TMEM130: variants seen among roughly 807,000 people sequenced by gnomAD.
TMEM130 encodes the protein transmembrane protein 130.
TMEM130 carries 37 observed loss-of-function variants against 42.9 expected under a neutral mutation model. That is an observed-to-expected ratio of 0.86 (90% CI 0.66 to 1.13). The LOEUF (loss-of-function observed/expected upper bound fraction) is 1.13. TMEM130 is among the 50% of genes most tolerant of loss of function. TMEM130 has a pLI of 0.00. For synonymous variants in TMEM130, 259 were observed against 237.7 expected, an observed-to-expected ratio of 1.09 and a Z score of -0.82; for missense variants, 545 against 562.6, an observed-to-expected ratio of 0.97 and a Z score of 0.32.
At chr7:98,860,429 C>T in intron 2 of TMEM130, 91 bp from the exon 3 acceptor site, 1 of 1,329,970 alleles carries the variant, frequency 7.5e-7, no homozygotes, top group Non-Finnish European at 1.0e-6. Context: ...GTCAAAGCCA[C>T]CACTTCCCTG....
Position 98,863,127 on chromosome 7 carries a change from A to G in TMEM130, c.359T>C (p.Val120Ala), listed in dbSNP as rs1554400078. 3 of 1,613,754 alleles carry G rather than the reference A, an allele frequency of 1.9e-6. No individual in the cohort carries two copies. Among genetic ancestry groups the G allele is most frequent in the Non-Finnish European group, 2.5e-6 (3 of 1,180,004 alleles). Residue 120 changes from valine to alanine, a missense_variant, in exon 2 of 8, where the codon GTG becomes GCG. By Grantham distance (64) the Val-to-Ala change is moderately conservative. Transcript: ENST00000339375. ...TAADCWMCQP[V>A]ARGFVVLPIT... is the part of the protein sequence containing the mutation. The stretch of plus-strand genomic sequence containing the variant: ...GGGGAGGACCACAAAGCCCCTGGCC[A>G]CAGGCTGGCACATCCAGCAGTCAGC...
rs782585953 is a variant in TMEM130, at chr7:98,855,225, C to A, written c.803+15G>T. 1.2e-6 allele frequency: 2 copies of A among 1,611,484 alleles called. No homozygotes were observed. Among genetic ancestry groups the A allele is most frequent in the Non-Finnish European group, 8.5e-7 (1 of 1,178,396 alleles). Reference sequence around the variant, plus strand: ...GCCCACGGGGCACCCCCAGTGCGCTCTGGAGCTCACTTACCTCCCCAGGAA... The same window carrying A: ...GCCCACGGGGCACCCCCAGTGCGCTATGGAGCTCACTTACCTCCCCAGGAA... On this transcript the variant is annotated intron_variant, in intron 5 of 7. Coordinates refer to ENST00000339375, the MANE Select transcript of TMEM130 (RefSeq NM_152913.3).
Position 98,869,785 on chromosome 7 carries a change from A to AC in TMEM130, c.76dup (p.Val26GlyfsTer7). The AC allele has an allele frequency of 7.1e-7, 1 of 1,417,804 alleles. No homozygotes were observed. Among genetic ancestry groups the AC allele is most frequent in the African/African-American group, 1.5e-5 (1 of 67,170 alleles). 87.8% of individuals were successfully genotyped at this position (1,417,804 alleles called of 1,614,324 possible). ...ATTGCCCAGCGCCTTACCTGCGGCC[A>AC]CCCCTGCCGGGGCCCAGGGCAGGAG... On this transcript the variant is annotated frameshift_variant, in exon 1 of 8. Transcript: ENST00000339375. LOFTEE classifies it high-confidence loss of function. The surrounding 1 kb of genome is among the most constrained non-coding windows in gnomAD (Gnocchi z 4.7).
At position 98,869,193 on chromosome 7, in the gene TMEM130, CCA is replaced by C. The variant is rs782355419; in HGVS notation, c.85+582_85+583del. ...AACCCTGCTTCCCCCACTCCCCCAC[CCA>C]CACACACACCCCAGGAACCTGTCAG... is the stretch of plus-strand genomic sequence containing the variant. On this transcript the variant is annotated intron_variant, in intron 1 of 7. Transcript: ENST00000339375. The surrounding 1 kb of genome is among the most constrained non-coding windows in gnomAD (Gnocchi z 4.7). 10 of 1,284,860 alleles carry C rather than the reference CCA, an allele frequency of 7.8e-6. No homozygotes were observed. Among genetic ancestry groups the C allele is most frequent in the Admixed American group, 4.6e-5 (2 of 43,194 alleles). 79.6% of individuals were successfully genotyped at this position (1,284,860 alleles called of 1,614,324 possible). A position where few individuals can be genotyped will look rare whatever the true frequency, so the allele number is the denominator to read the frequency against.
chr7:98,869,381 G>C lies in TMEM130; in HGVS notation c.85+396C>G, dbSNP rs955184524. ...AAACGTTGCCCATCCCGTGCTCCCT[G>C]GGGGACTGGGGAATTGTGGCGCGAT... On this transcript the variant is annotated intron_variant, in intron 1 of 7. Transcript: ENST00000339375. The surrounding 1 kb of genome is among the most constrained non-coding windows in gnomAD (Gnocchi z 4.7). 35 of 1,195,530 alleles carry C rather than the reference G, an allele frequency of 2.9e-5. No individual in the cohort carries two copies. The highest frequency in any genetic ancestry group is 7.4e-6 in the Non-Finnish European group (7 of 951,198). 74.1% of individuals were successfully genotyped at this position (1,195,530 alleles called of 1,614,324 possible).
intron 1 of TMEM130, among the ~76,000 whole-genome samples, 178 bp from the exon 2 acceptor site, chr7:98,863,578 T>C (rs563575691): frequency 6.6e-6 from 1 of 152,212 alleles, no homozygotes; most frequent in South Asian, 2.1e-4. Flanking sequence ...TGGGTCCCAC[T>C]GACTCCAAAT....
Position 98,856,327 on chromosome 7 carries a change from A to C in TMEM130, c.552-144T>G, listed in dbSNP as rs139565339. 828 of 794,364 alleles carry C rather than the reference A, an allele frequency of 1.0e-3. 1 individual carries two copies. The highest frequency in any genetic ancestry group is 1.3e-3 in the Non-Finnish European group (675 of 507,100). The allele number at this position is 794,364 out of a possible 1,614,324, so 49.2% of individuals were successfully genotyped here. A position where few individuals can be genotyped will look rare whatever the true frequency, so the allele number is the denominator to read the frequency against. On this transcript the variant is annotated intron_variant, in intron 3 of 7. Coordinates refer to ENST00000339375, the MANE Select transcript of TMEM130 (RefSeq NM_152913.3). ...CCAGCTACCAGTGAGCACACCTGTC[A>C]TCACAGCCTAGAGCCAGCCAGGGCT... is the stretch of plus-strand genomic sequence containing the variant.
intron 4 of TMEM130, among the ~76,000 whole-genome samples, chr7:98,855,703 G>A (rs1562907453): frequency 6.6e-6 from 1 of 152,202 alleles, no homozygotes. Context: ...GTGAGCCTCG[G>A]TGGGAGGCCG....
chr7:98,856,211 G>A (rs782020802), intron 3 of TMEM130, 28 bp from the exon 4 acceptor site: 2 of 1,608,370 alleles, frequency 1.2e-6, no homozygotes, highest in South Asian at 1.1e-5. Context: ...GGAGAGAGGA[G>A]GAAGACAGCA....
rs186173286 is a variant in TMEM130 at position 98,852,740 on chromosome 7, A to G, written c.804-1117T>C. Among the ~76,000 whole-genome samples the G allele has an allele frequency of 3.3e-3, 498 of 152,086 alleles. 4 individuals carry two copies. The highest frequency in any genetic ancestry group is 0.012 in the African/African-American group (484 of 41,522). Reference sequence around the variant, plus strand: ...CTCCCAAGTAGCTGGGATTACAGGCATGCACCACCGTGCCTGGCTAATTTT... The same window carrying G: ...CTCCCAAGTAGCTGGGATTACAGGCGTGCACCACCGTGCCTGGCTAATTTT... On this transcript the variant is annotated intron_variant, in intron 5 of 7. Transcript: ENST00000339375.
chr7:98,863,659 TCCTCCTTC>T (rs1405845350), intron 1 of TMEM130, among the ~76,000 whole-genome samples: 1 of 137,848 alleles, frequency 7.3e-6, no homozygotes, highest in East Asian at 2.5e-4. Context: ...CTTCCCTCCT[TCCTCCTTC>T]CCTCCTTCCT....
chr7:98,851,596 G>C lies in TMEM130; in HGVS notation c.831C>G (p.Leu277=). 1 of 1,613,482 alleles carries C rather than the reference G, an allele frequency of 6.2e-7. No homozygotes were observed. The highest frequency in any genetic ancestry group is 8.5e-7 in the Non-Finnish European group (1 of 1,179,644). ...GSPPLTVCWR[L]KPECLPLEEG... is the part of the protein sequence containing the mutation. ...CCTCCAGCGGGAGGCACTCAGGCTTGAGACGCCAGCACACAGTCAGAGGAG... is the reference window on the plus strand; with the variant it reads ...CCTCCAGCGGGAGGCACTCAGGCTTCAGACGCCAGCACACAGTCAGAGGAG... The change falls in exon 6 of 8, where the codon CTC becomes CTG. Residue 277 remains leucine (L), a synonymous_variant. Coordinates refer to ENST00000339375, the MANE Select transcript of TMEM130 (RefSeq NM_152913.3).
At chr7:98,849,161 C>T (rs1328801791) in intron 6 of TMEM130, among the ~76,000 whole-genome samples, 4 of 152,226 alleles carry the variant, frequency 2.6e-5, no homozygotes, top group Non-Finnish European at 5.9e-5. Context: ...CAGCTTCTCA[C>T]GCTCTGGCAA....
chr7:98,850,926 T>C (rs1794485143), intron 6 of TMEM130, among the ~76,000 whole-genome samples: 1 of 152,078 alleles, frequency 6.6e-6, no homozygotes, highest in South Asian at 2.1e-4. Context: ...GGAGAAGACA[T>C]TGGCATGGTT....
chr7:98,857,574 C>T (rs1794662184), intron 3 of TMEM130, among the ~76,000 whole-genome samples: 1 of 151,940 alleles, frequency 6.6e-6, no homozygotes, highest in Non-Finnish European at 1.5e-5. Context: ...ATGTTACAGG[C>T]CTGTGGTTCC....
chr7:98,869,712 C>G lies in TMEM130; in HGVS notation c.85+65G>C. ...CCCTGCTCCCGGGCCCACTCGCCCG[C>G]TGAGACGGTTCCAGGCCCCGGGCGG... is the stretch of plus-strand genomic sequence containing the variant. On this transcript the variant is annotated intron_variant, in intron 1 of 7. Coordinates refer to ENST00000339375, the MANE Select transcript of TMEM130 (RefSeq NM_152913.3). This position sits in a 1 kb window ranked among gnomAD's most constrained non-coding sequence, Gnocchi z 4.7. 1 of 1,241,528 alleles carries G rather than the reference C, an allele frequency of 8.1e-7. No individual in the cohort carries two copies. Among genetic ancestry groups the G allele is most frequent in the Non-Finnish European group, 1.0e-6 (1 of 958,256 alleles). 76.9% of individuals were successfully genotyped at this position (1,241,528 alleles called of 1,614,324 possible). A position where few individuals can be genotyped will look rare whatever the true frequency, so the allele number is the denominator to read the frequency against.
chr7:98,869,961 CGGTGCGGGGA>C lies in TMEM130; in HGVS notation c.-110_-101del. ...CGCTCCTCCGGGCGCGCAGCGCGGG[CGGTGCGGGGA>C]GGTGCGGGCGCCGTGCTCGCTCGTC... On this transcript the variant is annotated 5_prime_UTR_variant, in exon 1 of 8. Transcript: ENST00000339375. The surrounding 1 kb of genome is among the most constrained non-coding windows in gnomAD (Gnocchi z 4.7). The C allele has an allele frequency of 2.3e-6, 2 of 868,982 alleles. No homozygotes were observed. The highest frequency in any genetic ancestry group is 4.7e-5 in the South Asian group (1 of 21,168). The allele number at this position is 868,982 out of a possible 1,614,324, so 53.8% of individuals were successfully genotyped here. A position where few individuals can be genotyped will look rare whatever the true frequency, so the allele number is the denominator to read the frequency against.
intron 3 of TMEM130, among the ~76,000 whole-genome samples, chr7:98,859,290 C>CAAAAAGTT (rs1338427835): frequency 6.6e-6 from 1 of 151,740 alleles, no homozygotes; most frequent in East Asian, 2.0e-4. Context: ...GGAAAAAAGA[C>CAAAAAGTT]AAAAAGTTAA....
intron 3 of TMEM130, among the ~76,000 whole-genome samples, chr7:98,859,034 GAAGA>G (rs1435431629): frequency 3.5e-5 from 5 of 142,616 alleles, no homozygotes; most frequent in African/African-American, 1.0e-4. Flanking sequence ...AGGAAGGAAG[GAAGA>G]AAGGAAGGGA....
Sources: allele counts gnomAD v4.1 joint callset (sites outside exome capture counted in the v4.1 genomes callset), GRCh38; gene constraint gnomAD v4.1.1; non-coding constraint Gnocchi (gnomAD v3.1); transcripts MANE v1.5; gene names NCBI Gene and HGNC (gene_info 2026-07-23, HGNC 2026-07-21).